Variants in PITPNC1 observed in about 807,000 individuals in gnomAD.
PITPNC1 encodes the protein phosphatidylinositol transfer protein cytoplasmic 1.
Under a neutral mutation model 44.7 loss-of-function variants are expected in PITPNC1, and 18 were observed. That is an observed-to-expected ratio of 0.40 (90% CI 0.28 to 0.60). The LOEUF is 0.60. PITPNC1 is among the 20% of genes least tolerant of loss of function. The pLI is 0.39. For synonymous variants in PITPNC1, 141 were observed against 149.6 expected, an observed-to-expected ratio of 0.94 and a Z score of 0.42; for missense variants, 290 against 418.4, an observed-to-expected ratio of 0.69 and a Z score of 2.68.
chr17:67,499,474 C>T (rs1277995643), intron 1 of PITPNC1, among the ~76,000 whole-genome samples: 1 of 152,188 alleles, frequency 6.6e-6, no homozygotes, highest in Non-Finnish European at 1.5e-5. Context: ...TCCTTGGCCT[C>T]CCAAAGTGCT....
At chr17:67,639,925 C>T (rs2042073746) in intron 6 of PITPNC1, among the ~76,000 whole-genome samples, 1 of 152,198 alleles carries the variant, frequency 6.6e-6, no homozygotes, top group African/African-American at 2.4e-5. Context: ...ATCCAAATCA[C>T]TCGGCTCCCT....
At chr17:67,605,743 C>A (rs2041599654) in intron 5 of PITPNC1, among the ~76,000 whole-genome samples, 2 of 152,174 alleles carry the variant, frequency 1.3e-5, no homozygotes, top group Non-Finnish European at 2.9e-5. Flanking sequence ...CAGACAGAAA[C>A]CAGCCACCTG....
At chr17:67,622,514 CT>C (rs1254933576) in intron 5 of PITPNC1, among the ~76,000 whole-genome samples, 11,085 of 118,870 alleles carry the variant, frequency 0.093, 815 homozygotes, top group African/African-American at 0.23. Context: ...GTAGCCTGGA[CT>C]TTTTTTTTTT....
chr17:67,646,656 A>T (rs2042153187), intron 6 of PITPNC1, among the ~76,000 whole-genome samples: 1 of 152,008 alleles, frequency 6.6e-6, no homozygotes, highest in African/African-American at 2.4e-5. Flanking sequence ...CCTGACTACC[A>T]GCACATGCCA....
At chr17:67,533,544 G>A (rs910385718) in intron 2 of PITPNC1, among the ~76,000 whole-genome samples, 1 of 152,170 alleles carries the variant, frequency 6.6e-6, no homozygotes, top group African/African-American at 2.4e-5. Flanking sequence ...TCATCCCTTG[G>A]TTCAGTGTTA....
chr17:67,574,824 A>C (rs79866565), intron 4 of PITPNC1, among the ~76,000 whole-genome samples: 3,855 of 152,160 alleles, frequency 0.025, 162 homozygotes, highest in African/African-American at 0.089. Context: ...CGAAGGAGAA[A>C]GTACTGACCC....
At chr17:67,521,593 T>G (rs2040325808) in intron 1 of PITPNC1, among the ~76,000 whole-genome samples, 1 of 152,016 alleles carries the variant, frequency 6.6e-6, no homozygotes, top group Non-Finnish European at 1.5e-5. Flanking sequence ...TTTTTTAACC[T>G]TCCTGTCTAC....
At chr17:67,497,259 G>C (rs1400632287) in intron 1 of PITPNC1, among the ~76,000 whole-genome samples, 1 of 146,976 alleles carries the variant, frequency 6.8e-6, no homozygotes, top group East Asian at 2.0e-4. Context: ...TCATTCAGTC[G>C]CCCAGGCTGG....
At chr17:67,494,539 T>G (rs1328003098) in intron 1 of PITPNC1, among the ~76,000 whole-genome samples, 4 of 151,992 alleles carry the variant, frequency 2.6e-5, no homozygotes, top group African/African-American at 4.8e-5. Flanking sequence ...AGATATAACT[T>G]TTATAGATTT....
At chr17:67,500,552 A>G (rs2040012137) in intron 1 of PITPNC1, among the ~76,000 whole-genome samples, 1 of 152,178 alleles carries the variant, frequency 6.6e-6, no homozygotes, top group South Asian at 2.1e-4. Flanking sequence ...CTGAAATTAG[A>G]TAGTGGTAAT....
intron 6 of PITPNC1, among the ~76,000 whole-genome samples, chr17:67,650,743 G>A (rs1204420035): frequency 3.3e-5 from 5 of 152,124 alleles, no homozygotes; most frequent in African/African-American, 7.2e-5. Flanking sequence ...GAGCCACGGC[G>A]CCTGGCCAAA....
At chr17:67,545,280 C>G (rs889368363) in intron 2 of PITPNC1, among the ~76,000 whole-genome samples, 3 of 151,908 alleles carry the variant, frequency 2.0e-5, no homozygotes, top group African/African-American at 4.8e-5. Context: ...CCGCTGCACT[C>G]CAGCCTGGGT....
intron 1 of PITPNC1, among the ~76,000 whole-genome samples, chr17:67,444,624 C>T (rs1373183202): frequency 2.0e-5 from 3 of 152,096 alleles, no homozygotes; most frequent in Non-Finnish European, 4.4e-5. Context: ...TGGCCAGGCG[C>T]GGTGGCCCAC....
In PITPNC1 at chr17:67,691,692, G is replaced by A. The variant is rs75374591; in HGVS notation, c.683-880G>A. Among the ~76,000 whole-genome samples the A allele has an allele frequency of 6.8e-3, 1,034 of 152,248 alleles. 11 individuals carry two copies. The highest frequency in any genetic ancestry group is 0.032 in the East Asian group (166 of 5,184). ...CTTTGTGGCCCCTCAGAATAAAAAA[G>A]TATATGTATTGATTAAGAAGATAGC... On this transcript the variant is annotated intron_variant, in intron 8 of 8. Coordinates refer to ENST00000581322, the MANE Select transcript of PITPNC1 (RefSeq NM_012417.4).
chr17:67,451,481 C>A (rs1456756285), intron 1 of PITPNC1, among the ~76,000 whole-genome samples: 4 of 152,164 alleles, frequency 2.6e-5, no homozygotes, highest in African/African-American at 7.2e-5. Flanking sequence ...TCCATTCCCC[C>A]CTAAACATCC....
rs143461543 is a variant in PITPNC1 at position 67,513,841 on chromosome 17, C to T, written c.49-18961C>T. Among the ~76,000 whole-genome samples, 290 of 152,162 alleles carry T rather than the reference C, an allele frequency of 1.9e-3. 1 individual carries two copies. Among genetic ancestry groups the T allele is most frequent in the African/African-American group, 6.6e-3 (274 of 41,512 alleles). ...CTATGGATCTATCATTCTTTAAAAT[C>T]GTTATGGGAAATTCTGGTGTAGATA... On this transcript the variant is annotated intron_variant, in intron 1 of 8. Transcript: ENST00000581322.
intron 5 of PITPNC1, among the ~76,000 whole-genome samples, chr17:67,620,090 G>A (rs564976754): frequency 9.9e-5 from 15 of 152,096 alleles, no homozygotes; most frequent in Non-Finnish European, 1.6e-4. Context: ...GTCTCACTCC[G>A]TCTTCCAGAC....
chr17:67,516,895 C>T (rs1347210434), intron 1 of PITPNC1, among the ~76,000 whole-genome samples: 2 of 152,224 alleles, frequency 1.3e-5, no homozygotes, highest in Non-Finnish European at 2.9e-5. Context: ...CAGGCATAAG[C>T]CACCACGCCC....
In PITPNC1 at chr17:67,657,959, G is replaced by A. The variant is rs1330484268; in HGVS notation, c.463-11549G>A. Among the ~76,000 whole-genome samples the A allele has an allele frequency of 4.6e-5, 7 of 152,340 alleles. No individual in the cohort carries two copies. The East Asian group carries it at 1.4e-3, about 29-fold the overall frequency. On this transcript the variant is annotated intron_variant, in intron 6 of 8. Coordinates refer to ENST00000581322, the MANE Select transcript of PITPNC1 (RefSeq NM_012417.4). Reference sequence around the variant, plus strand: ...ATCTGAAATGTACATGAAGATGCTGGAATAGATACCATCTCAAACTCAGCT... The same window carrying A: ...ATCTGAAATGTACATGAAGATGCTGAAATAGATACCATCTCAAACTCAGCT...
Sources: gnomAD v4.1 joint callset for allele counts (sites outside exome capture counted in the v4.1 genomes callset) on GRCh38, gnomAD v4.1.1 for gene constraint, MANE v1.5 for transcripts, NCBI Gene and HGNC (gene_info 2026-07-23, HGNC 2026-07-21) for gene names.